Variants in GALNT6 observed in about 807,000 individuals in gnomAD.
GALNT6 encodes the protein GalNAc transferase 6.
Under a neutral mutation model 65.9 loss-of-function variants are expected in GALNT6, and 51 were observed. That is an observed-to-expected ratio of 0.77 (90% CI 0.62 to 0.98). GALNT6 has a LOEUF of 0.98. GALNT6 is among the 50% of genes least tolerant of loss of function. GALNT6 has a pLI of 0.00. For missense variants in GALNT6, 708 were observed against 803.3 expected (o/e 0.88, Z 1.43); for synonymous variants, 323 against 315.1 (o/e 1.02, Z -0.26).
intron 6 of GALNT6, among the ~76,000 whole-genome samples, chr12:51,363,408 G>A (rs1425697597): frequency 6.6e-6 from 1 of 152,112 alleles, no homozygotes; most frequent in Non-Finnish European, 1.5e-5. Flanking sequence ...AGAGCCTGTG[G>A]GCAAAATCTG....
At chr12:51,359,521 CT>C (rs1946854544) in intron 7 of GALNT6, 189 bp from the exon 8 acceptor site, 1 of 494,938 alleles carries the variant, frequency 2.0e-6, no homozygotes, top group East Asian at 3.1e-5. Context: ...CGATCCCAGG[CT>C]TTCTGATGTT....
intron 9 of GALNT6, 48 bp from the exon 10 acceptor site, chr12:51,357,498 G>T: frequency 1.4e-6 from 2 of 1,405,826 alleles, no homozygotes; most frequent in Non-Finnish European, 2.0e-6. Flanking sequence ...ACAGTCAGGA[G>T]GTTCCTCATG....
At chr12:51,388,079 C>A (rs914945783) in intron 2 of GALNT6, among the ~76,000 whole-genome samples, 3 of 152,170 alleles carry the variant, frequency 2.0e-5, no homozygotes, top group African/African-American at 4.8e-5. Flanking sequence ...AACAAGCCAG[C>A]CCCTGTCCCA....
At position 51,355,821 on chromosome 12, in the gene GALNT6, T is replaced by C. The variant is rs746991123; in HGVS notation, c.1740A>G (p.Glu580=). Reference sequence around the variant, plus strand: ...ACTGACTCACCTGGGCCAATTCCCATTCCTCGTCCTTGGGGACCTGGCTAT... The same window carrying C: ...ACTGACTCACCTGGGCCAATTCCCACTCCTCGTCCTTGGGGACCTGGCTAT... ...GKNSQVPKDE[E]WELAQDQLIR... Residue 580 remains glutamate (E), a synonymous_variant, in exon 11 of 12, where the codon GAA becomes GAG. Coordinates refer to ENST00000356317, the MANE Select transcript of GALNT6 (RefSeq NM_007210.4). 1.2e-6 allele frequency: 2 copies of C among 1,612,974 alleles called. No individual in the cohort carries two copies. Among genetic ancestry groups the C allele is most frequent in the Non-Finnish European group, 1.7e-6 (2 of 1,179,492 alleles).
intron 2 of GALNT6, among the ~76,000 whole-genome samples, chr12:51,384,722 C>T (rs965914755): frequency 7.0e-6 from 1 of 141,966 alleles, no homozygotes; most frequent in Non-Finnish European, 1.5e-5. Flanking sequence ...GACCAATTAG[C>T]AAAAAGAGAC....
At chr12:51,357,986 G>T in intron 9 of GALNT6, 144 bp downstream of exon 9, 1 of 715,338 alleles carries the variant, frequency 1.4e-6, no homozygotes, top group Non-Finnish European at 2.3e-6. Flanking sequence ...GCCCCAACGT[G>T]GCCTCTCAGT....
chr12:51,385,965 G>A (rs1484308681), intron 2 of GALNT6, among the ~76,000 whole-genome samples: 1 of 152,110 alleles, frequency 6.6e-6, no homozygotes, highest in African/African-American at 2.4e-5. Context: ...CTCCTGAGTA[G>A]CTGGGAATAC....
At chr12:51,371,805 C>A (rs1947302078) in intron 4 of GALNT6, among the ~76,000 whole-genome samples, 1 of 152,064 alleles carries the variant, frequency 6.6e-6, no homozygotes, top group Non-Finnish European at 1.5e-5. Context: ...TACTGGGTGC[C>A]TGGAGTGGAG....
Position 51,365,490 on chromosome 12 carries a change from C to A in GALNT6, c.754G>T (p.Ala252Ser), listed in dbSNP as rs11169818. The A allele has an allele frequency of 6.2e-7, 1 of 1,612,228 alleles. No individual in the cohort carries two copies. Among genetic ancestry groups the A allele is most frequent in the South Asian group, 1.1e-5 (1 of 91,002 alleles). Residue 252 changes from alanine (A) to serine (S), a missense_variant, in exon 5 of 12, where the codon GCC (alanine) becomes TCC (serine). Ala to Ser is a moderately conservative substitution (Grantham distance 99). Coordinates refer to ENST00000356317, the MANE Select transcript of GALNT6 (RefSeq NM_007210.4). ...RQEERKGLITARLLGASVAQA... is the reference protein window; with the variant it reads ...RQEERKGLITSRLLGASVAQA... ...GCCACGCTGGCCCCCAGCAGCCGGG[C>A]GGTGATCAGCCCCTTCCGCTCCTCC...
chr12:51,383,221 C>T (rs1321527932), intron 2 of GALNT6, among the ~76,000 whole-genome samples: 1 of 152,080 alleles, frequency 6.6e-6, no homozygotes, highest in African/African-American at 2.4e-5. Context: ...GGGGCTAGCA[C>T]AGGGGGATTT....
At chr12:51,377,416 C>A in intron 3 of GALNT6, 49 bp from the exon 4 acceptor site, 1 of 1,563,714 alleles carries the variant, frequency 6.4e-7, no homozygotes, top group East Asian at 2.3e-5. Context: ...CTGGGAGTAC[C>A]AGGTGTGGGG....
intron 4 of GALNT6, among the ~76,000 whole-genome samples, chr12:51,368,335 T>C (rs1201590221): frequency 6.6e-6 from 1 of 151,630 alleles, no homozygotes; most frequent in East Asian, 1.9e-4. Context: ...GAGTGGCGCC[T>C]AGGAGAAGGA....
chr12:51,382,882 C>T (rs1170279568), intron 2 of GALNT6, among the ~76,000 whole-genome samples: 2 of 152,100 alleles, frequency 1.3e-5, no homozygotes, highest in Admixed American at 1.3e-4. Flanking sequence ...GTCTGGTACA[C>T]AGAGGGACAC....
rs141325780 is a variant in GALNT6, at chr12:51,363,763, T to C, written c.1049+358A>G. On this transcript the variant is annotated intron_variant, in intron 6 of 11. Transcript: ENST00000356317. ...GCAAGCATGGGCCACTCCTTTTATG[T>C]GTAGGGAGGAATAAACTAAAGAATG... Among the ~76,000 whole-genome samples, 3 of 152,306 alleles carry C rather than the reference T, an allele frequency of 2.0e-5. No homozygotes were observed. In the East Asian group the frequency reaches 5.8e-4, roughly 29 times the overall value.
intron 4 of GALNT6, among the ~76,000 whole-genome samples, chr12:51,376,111 C>T (rs564912392): frequency 1.1e-4 from 16 of 152,030 alleles, no homozygotes; most frequent in South Asian, 6.2e-4. Flanking sequence ...GTGATCTGTC[C>T]GCTTCAGCCT....
chr12:51,357,019 G>C (rs1283034376), intron 10 of GALNT6, among the ~76,000 whole-genome samples: 1 of 152,278 alleles, frequency 6.6e-6, no homozygotes, highest in Middle Eastern at 3.4e-3. Flanking sequence ...AGGATGCATT[G>C]AAGATAGAAG....
At chr12:51,388,037 C>T (rs1003000325) in intron 2 of GALNT6, among the ~76,000 whole-genome samples, 2 of 152,184 alleles carry the variant, frequency 1.3e-5, no homozygotes, top group African/African-American at 4.8e-5. Context: ...GCCCAATTTC[C>T]CCATTGCTGC....
At position 51,369,874 on chromosome 12, in the gene GALNT6, A is replaced by G. The variant is rs148345980; in HGVS notation, c.665-4295T>C. Among the ~76,000 whole-genome samples, 40 of 152,190 alleles carry G rather than the reference A, an allele frequency of 2.6e-4. No individual in the cohort carries two copies. The East Asian group carries it at 7.3e-3, about 28-fold the overall frequency. On this transcript the variant is annotated intron_variant, in intron 4 of 11. Coordinates refer to ENST00000356317, the MANE Select transcript of GALNT6 (RefSeq NM_007210.4). Reference sequence around the variant, plus strand: ...CAGTCACTGCTTTTCTGCCTTCTATACCACTCTCCTCAATCTATTCTTGAC... The same window carrying G: ...CAGTCACTGCTTTTCTGCCTTCTATGCCACTCTCCTCAATCTATTCTTGAC...
At position 51,353,163 on chromosome 12, in the gene GALNT6, GCC is replaced by G. The variant is rs1320717431; in HGVS notation, c.*1214_*1215del. ...CTGCTAGCTATGGGACTACAGACAAGCCCCTTTACCTGTGTCTCAGTTTTCGT... is the reference window on the plus strand; with the variant it reads ...CTGCTAGCTATGGGACTACAGACAAGCCTTTACCTGTGTCTCAGTTTTCGT... On this transcript the variant is annotated 3_prime_UTR_variant, in exon 12 of 12. Transcript: ENST00000356317. The G allele has an allele frequency of 1.3e-5, 2 of 152,242 alleles. No individual in the cohort carries two copies. Among genetic ancestry groups the G allele is most frequent in the African/African-American group, 4.8e-5 (2 of 41,456 alleles). The allele number at this position is 152,242 out of a possible 1,614,324, so 9.4% of individuals were successfully genotyped here. A position where few individuals can be genotyped will look rare whatever the true frequency, so the allele number is the denominator to read the frequency against.
Sources: allele counts gnomAD v4.1 joint callset (sites outside exome capture counted in the v4.1 genomes callset), GRCh38; gene constraint gnomAD v4.1.1; transcripts MANE v1.5; gene names NCBI Gene and HGNC (gene_info 2026-07-23, HGNC 2026-07-21).